OXSR1: variants seen among roughly 807,000 people sequenced by gnomAD.
OXSR1 encodes oxidative stress responsive kinase 1.
In OXSR1, 24 loss-of-function variants were observed where a neutral mutation model predicts 79.8. The ratio of observed to expected loss-of-function variants is 0.30; its 90% CI spans 0.22 to 0.42. OXSR1 has a LOEUF of 0.42. Among genes scored for constraint, OXSR1 ranks in the 10% least tolerant of loss-of-function variants. The probability of loss-of-function intolerance (pLI) is 1.00; values close to 1 mark genes in which losing one functional copy is unlikely to be tolerated. For missense variants in OXSR1, 430 were observed against 618.4 expected (o/e 0.70, Z 3.23); for synonymous variants, 226 against 209.2 (o/e 1.08, Z -0.69).
intron 3 of OXSR1, among the ~76,000 whole-genome samples, chr3:38,191,139 G>A (rs781128695): frequency 6.6e-6 from 1 of 152,084 alleles, no homozygotes; most frequent in Non-Finnish European, 1.5e-5. Flanking sequence ...CAAAACTCCT[G>A]GGTTCAAGTG....
At chr3:38,195,225 G>A (rs888289501) in intron 3 of OXSR1, among the ~76,000 whole-genome samples, 3 of 152,128 alleles carry the variant, frequency 2.0e-5, no homozygotes, top group Admixed American at 6.6e-5. Context: ...GGAAAAAAAA[G>A]GTACCTGTAG....
chr3:38,247,492 T>C (rs1395318868), intron 13 of OXSR1, among the ~76,000 whole-genome samples, 176 bp from the exon 14 acceptor site: 7 of 152,156 alleles, frequency 4.6e-5, no homozygotes, highest in Non-Finnish European at 8.8e-5. Flanking sequence ...TCAGCTTTTG[T>C]TGCTGCCTTG....
chr3:38,223,285 C>A (rs1276828707), intron 6 of OXSR1, among the ~76,000 whole-genome samples: 2 of 151,986 alleles, frequency 1.3e-5, no homozygotes, highest in African/African-American at 4.8e-5. Context: ...CCACTCCTAG[C>A]TAATTAAAAC....
chr3:38,234,165 A>T (rs984386185), intron 10 of OXSR1, among the ~76,000 whole-genome samples: 31 of 152,190 alleles, frequency 2.0e-4, no homozygotes, highest in Admixed American at 7.2e-4. Flanking sequence ...AAATATAGCT[A>T]TAAACCTTTG....
At chr3:38,236,257 T>C (rs1419189398) in intron 10 of OXSR1, among the ~76,000 whole-genome samples, 1 of 152,018 alleles carries the variant, frequency 6.6e-6, no homozygotes, top group Non-Finnish European at 1.5e-5. Context: ...ATGTGGGAAG[T>C]CCTACAGATA....
At chr3:38,207,932 T>TTTCCTTCCTTCC (rs1202436620) in intron 4 of OXSR1, among the ~76,000 whole-genome samples, 31 of 95,156 alleles carry the variant, frequency 3.3e-4, no homozygotes, top group African/African-American at 1.3e-3. Context: ...CTCCCCTCCC[T>TTTCCTTCCTTCC]TTCCTTCCTT....
In OXSR1 at chr3:38,198,880, A is replaced by G. The variant is rs567780473; in HGVS notation, c.434+17A>G. The G allele has an allele frequency of 2.2e-5, 35 of 1,605,538 alleles. 1 individual carries two copies. The South Asian group carries it at 3.5e-4, about 16-fold the overall frequency. On this transcript the variant is annotated intron_variant, in intron 4 of 17. Coordinates refer to ENST00000311806, the MANE Select transcript of OXSR1 (RefSeq NM_005109.3). ...GATCCACAGGTATGTAAAAGACAAT[A>G]CTCTTGTGTTACATCATCTCATTAA...
chr3:38,238,981 C>CT (rs1044927103), intron 11 of OXSR1, among the ~76,000 whole-genome samples: 15 of 152,030 alleles, frequency 9.9e-5, no homozygotes, highest in Non-Finnish European at 2.2e-4. Flanking sequence ...TTTTAAAATT[C>CT]TTTTTTTCTG....
rs1039347641 is a variant in OXSR1, at chr3:38,216,455, A to G, written c.490+304A>G. On this transcript the variant is annotated intron_variant, in intron 5 of 17. Transcript: ENST00000311806. Reference sequence around the variant, plus strand: ...CATTCTGTACTTTCCTTTAAAGGAAAAGTAGTTGAGGATCTTCATTGTGTT... The same window carrying G: ...CATTCTGTACTTTCCTTTAAAGGAAGAGTAGTTGAGGATCTTCATTGTGTT... Among the ~76,000 whole-genome samples the G allele has an allele frequency of 5.9e-5, 9 of 152,318 alleles. No homozygotes were observed. The South Asian group carries it at 1.2e-3, about 21-fold the overall frequency.
At position 38,246,188 on chromosome 3, in the gene OXSR1, C is replaced by T; in HGVS notation, c.1224C>T (p.Leu408=). 1 of 1,613,810 alleles carries T rather than the reference C, an allele frequency of 6.2e-7. No individual in the cohort carries two copies. The highest frequency in any genetic ancestry group is 8.5e-7 in the Non-Finnish European group (1 of 1,179,800). The change falls in exon 13 of 18, where the codon CTC becomes CTT. Residue 408 remains leucine, a synonymous_variant. Transcript: ENST00000311806. ...QIATQPTQVS[L]PPTAEPAKTA... is the part of the protein sequence containing the mutation. The stretch of plus-strand genomic sequence containing the variant: ...CTACACAGCCAACTCAAGTCTCTCT[C>T]CCACCCACCGCAGAGCCAGCAAAAA...
Position 38,254,469 on chromosome 3 carries a change from G to GT in OXSR1, c.*1579dup, listed in dbSNP as rs1703320508. Reference sequence around the variant, plus strand: ...ATTTCAGTTGGGAGTTAGGAGGAGAGTAGGTGAGATGATCAGACACCGGAG... The same window carrying GT: ...ATTTCAGTTGGGAGTTAGGAGGAGAGTTAGGTGAGATGATCAGACACCGGAG... On this transcript the variant is annotated 3_prime_UTR_variant, in exon 18 of 18. Coordinates refer to ENST00000311806, the MANE Select transcript of OXSR1 (RefSeq NM_005109.3). The GT allele has an allele frequency of 2.6e-6, 1 of 383,750 alleles. No individual in the cohort carries two copies. The highest frequency in any genetic ancestry group is 4.5e-5 in the Admixed American group (1 of 22,216). 23.8% of individuals were successfully genotyped at this position (383,750 alleles called of 1,614,324 possible).
At chr3:38,250,779 T>C (rs1165659120) in intron 15 of OXSR1, among the ~76,000 whole-genome samples, 2 of 152,190 alleles carry the variant, frequency 1.3e-5, no homozygotes, top group Non-Finnish European at 2.9e-5. Flanking sequence ...TTAATTCAAA[T>C]TGCTGGTTGC....
chr3:38,243,118 G>T (rs976660391), intron 12 of OXSR1, among the ~76,000 whole-genome samples: 5 of 151,560 alleles, frequency 3.3e-5, no homozygotes, highest in Non-Finnish European at 7.4e-5. Context: ...CTGCAGCCTT[G>T]ACCTCCTGGG....
chr3:38,251,494 A>C (rs779665046), intron 16 of OXSR1, 23 bp downstream of exon 16: 1 of 1,584,560 alleles, frequency 6.3e-7, no homozygotes, highest in Non-Finnish European at 8.7e-7. Flanking sequence ...CGTTCTGCTC[A>C]TGTGCTCCTG....
chr3:38,242,777 A>AG lies in OXSR1; in HGVS notation c.1110+1dup, dbSNP rs752030753. 1 of 1,532,282 alleles carries AG rather than the reference A, an allele frequency of 6.5e-7. No individual in the cohort carries two copies. The highest frequency in any genetic ancestry group is 1.4e-5 in the African/African-American group (1 of 72,574). 94.9% of individuals were successfully genotyped at this position (1,532,282 alleles called of 1,614,324 possible). On this transcript the variant is annotated frameshift_variant and splice_region_variant, in exon 12 of 18. Coordinates refer to ENST00000311806, the MANE Select transcript of OXSR1 (RefSeq NM_005109.3). LOFTEE classifies it high-confidence loss of function. ...GTGAAAGAATCAATATCAAATTCTG[A>AG]GGTAAGTAATTGTGATTATTGAATC...
At chr3:38,199,764 A>G (rs34188300) in intron 4 of OXSR1, among the ~76,000 whole-genome samples, 175 of 152,040 alleles carry the variant, frequency 1.2e-3, no homozygotes, top group African/African-American at 4.1e-3. Context: ...CATGCCATCT[A>G]TGGGAGTGGA....
intron 10 of OXSR1, among the ~76,000 whole-genome samples, chr3:38,235,120 G>A (rs1030997027): frequency 6.6e-6 from 1 of 152,162 alleles, no homozygotes; most frequent in Admixed American, 6.6e-5. Context: ...TAAAGAGTAT[G>A]GCATGTCTTG....
chr3:38,183,144 A>G, intron 2 of OXSR1, 29 bp downstream of exon 2: 1 of 1,166,812 alleles, frequency 8.6e-7, no homozygotes, highest in Non-Finnish European at 1.3e-6. Context: ...TCTGAAATGG[A>G]GAGATATACT....
At chr3:38,166,737 C>G (rs1286924987) in intron 1 of OXSR1, among the ~76,000 whole-genome samples, 1 of 142,382 alleles carries the variant, frequency 7.0e-6, no homozygotes. Context: ...TTGCAGTGAG[C>G]TGAGATCGCG....
Sources: allele counts gnomAD v4.1 joint callset (sites outside exome capture counted in the v4.1 genomes callset), GRCh38; gene constraint gnomAD v4.1.1; transcripts MANE v1.5; gene names NCBI Gene and HGNC (gene_info 2026-07-23, HGNC 2026-07-21).